Variants in RLF observed in about 807,000 individuals in gnomAD.
RLF encodes RLF zinc finger, also known as zinc finger protein Rlf.
RLF carries 7 observed loss-of-function variants against 162.9 expected under a neutral mutation model. The observed-to-expected ratio is 0.04, with a 90% confidence interval of 0.02 to 0.08. The LOEUF (loss-of-function observed/expected upper bound fraction) is 0.08, where lower values mean the gene tolerates loss of function less well. Among genes scored for constraint, RLF ranks in the 10% least tolerant of loss-of-function variants. The pLI is 1.00. For synonymous variants in RLF, 782 were observed against 791.5 expected, an observed-to-expected ratio of 0.99 and a Z score of 0.20; for missense variants, 1,664 against 2,244.7, an observed-to-expected ratio of 0.74 and a Z score of 5.23.
chr1:40,233,395 G>A (rs930549437), intron 7 of RLF, among the ~76,000 whole-genome samples: 3 of 152,156 alleles, frequency 2.0e-5, no homozygotes, highest in Non-Finnish European at 4.4e-5. Flanking sequence ...AGAAAGAATG[G>A]CCATTCTTTG....
chr1:40,240,582 A>G lies in RLF; in HGVS notation c.*135A>G. On this transcript the variant is annotated 3_prime_UTR_variant, in exon 8 of 8. Transcript: ENST00000372771. ...GGCTGTGTATTTACATGAATGTATA[A>G]TATCTATGTCAGCAGTATTGGCTGA... is the stretch of plus-strand genomic sequence containing the variant. 3.1e-6 allele frequency: 2 copies of G among 645,538 alleles called. No individual in the cohort carries two copies. Among genetic ancestry groups the G allele is most frequent in the Non-Finnish European group, 5.5e-6 (2 of 366,658 alleles). The allele number at this position is 645,538 out of a possible 1,614,324, so 40.0% of individuals were successfully genotyped here.
chr1:40,229,531 C>G (rs1185709531), intron 6 of RLF, among the ~76,000 whole-genome samples: 1 of 148,088 alleles, frequency 6.8e-6, no homozygotes, highest in Non-Finnish European at 1.5e-5. Flanking sequence ...CTCGGCTTAC[C>G]GCAACCTCCA....
chr1:40,210,563 G>C (rs1642852660), intron 5 of RLF, among the ~76,000 whole-genome samples: 1 of 152,218 alleles, frequency 6.6e-6, no homozygotes, highest in Non-Finnish European at 1.5e-5. Flanking sequence ...TTAATGGTTA[G>C]ATTTGATGCA....
Position 40,240,558 on chromosome 1 carries a change from G to C in RLF, c.*111G>C. 1.4e-6 allele frequency: 1 copy of C among 732,256 alleles called. No homozygotes were observed. 45.4% of individuals were successfully genotyped at this position (732,256 alleles called of 1,614,324 possible). On this transcript the variant is annotated 3_prime_UTR_variant, in exon 8 of 8. Transcript: ENST00000372771. ...CACACCGTTGTTTAGGGTAGAATAG[G>C]CTGTGTATTTACATGAATGTATAAT... is the stretch of plus-strand genomic sequence containing the variant.
In RLF at chr1:40,195,814, AATTG is replaced by A. The variant is rs763699137; in HGVS notation, c.607+54_607+57del. The A allele has an allele frequency of 1.4e-5, 22 of 1,558,204 alleles. No individual in the cohort carries two copies. The South Asian group carries it at 1.9e-4, about 13-fold the overall frequency. On this transcript the variant is annotated intron_variant, in intron 4 of 7. Transcript: ENST00000372771. ...GAGGATTTAGTTCTGAGAACGTTGG[AATTG>A]ATTATGGGTTAAAATTTTGGGAATT... is the stretch of plus-strand genomic sequence containing the variant.
At position 40,161,718 on chromosome 1, in the gene RLF, G is replaced by A; in HGVS notation, c.237+82G>A. 1 of 1,536,866 alleles carries A rather than the reference G, an allele frequency of 6.5e-7. No homozygotes were observed. Among genetic ancestry groups the A allele is most frequent in the Non-Finnish European group, 8.7e-7 (1 of 1,153,506 alleles). The stretch of plus-strand genomic sequence containing the variant: ...CCCTGGATCCTCTGTAAGCAGCCGG[G>A]TCCAAACTGAAAGGCGCCACCTCCG... On this transcript the variant is annotated intron_variant, in intron 1 of 7. Transcript: ENST00000372771. The surrounding 1 kb of genome is among the most constrained non-coding windows in gnomAD (Gnocchi z 4.4).
At chr1:40,192,134 T>C (rs573583057) in intron 3 of RLF, among the ~76,000 whole-genome samples, 1 of 152,356 alleles carries the variant, frequency 6.6e-6, no homozygotes, top group South Asian at 2.1e-4. Flanking sequence ...TCTTGGCCTA[T>C]TTAAAGCCCT....
chr1:40,206,230 A>G (rs1642790774), intron 5 of RLF, among the ~76,000 whole-genome samples: 1 of 152,090 alleles, frequency 6.6e-6, no homozygotes, highest in South Asian at 2.1e-4. Context: ...TAAATGCTTT[A>G]TATACTTTGC....
intron 4 of RLF, 130 bp from the exon 5 acceptor site, chr1:40,202,282 A>G (rs1642728407): frequency 1.6e-6 from 1 of 618,372 alleles, no homozygotes; most frequent in South Asian, 2.1e-5. Flanking sequence ...ACCAGAGTAA[A>G]CTTCTCATTT....
At chr1:40,208,505 C>T (rs1557751718) in intron 5 of RLF, among the ~76,000 whole-genome samples, 1 of 152,164 alleles carries the variant, frequency 6.6e-6, no homozygotes, top group Non-Finnish European at 1.5e-5. Flanking sequence ...GTGTCGGTAT[C>T]TAATCCTTAT....
intron 1 of RLF, among the ~76,000 whole-genome samples, chr1:40,169,024 T>C (rs1355084185): frequency 6.6e-6 from 1 of 152,156 alleles, no homozygotes; most frequent in Non-Finnish European, 1.5e-5. Context: ...TTAACATAAA[T>C]AAACATTTAT....
At chr1:40,171,322 C>T (rs933922144) in intron 1 of RLF, among the ~76,000 whole-genome samples, 1 of 152,188 alleles carries the variant, frequency 6.6e-6, no homozygotes, top group Admixed American at 6.5e-5. Flanking sequence ...AGCCACCACT[C>T]CCAGCCTGAT....
intron 1 of RLF, among the ~76,000 whole-genome samples, chr1:40,188,618 G>GAAA (rs11406786): frequency 1.4e-5 from 2 of 145,918 alleles, no homozygotes. Context: ...CATGTGTCCA[G>GAAA]AAAAAAAAAA....
Position 40,240,645 on chromosome 1 carries a change from ATTTTTG to A in RLF, c.*202_*207del. ...TCCAGTTGGTTTAATGATTGGGTTT[ATTTTTG>A]TTTGTTTGTTTATTAAAAAAATGGA... On this transcript the variant is annotated 3_prime_UTR_variant, in exon 8 of 8. Transcript: ENST00000372771. 3.8e-6 allele frequency: 2 copies of A among 532,892 alleles called. No individual in the cohort carries two copies. The highest frequency in any genetic ancestry group is 6.2e-5 in the East Asian group (2 of 32,420). 33.0% of individuals were successfully genotyped at this position (532,892 alleles called of 1,614,324 possible).
chr1:40,202,990 C>T (rs566884479), intron 5 of RLF, among the ~76,000 whole-genome samples: 2 of 151,466 alleles, frequency 1.3e-5, no homozygotes, highest in African/African-American at 2.4e-5. Context: ...TTAATTTTAG[C>T]TTAAGTTACT....
At chr1:40,177,312 C>T (rs375638425) in intron 1 of RLF, among the ~76,000 whole-genome samples, 9 of 144,836 alleles carry the variant, frequency 6.2e-5, no homozygotes, top group East Asian at 2.0e-4. Flanking sequence ...TTTTGGGAGG[C>T]GGAGTCTTGC....
At chr1:40,171,358 A>G (rs1429772547) in intron 1 of RLF, among the ~76,000 whole-genome samples, 1 of 152,184 alleles carries the variant, frequency 6.6e-6, no homozygotes, top group Non-Finnish European at 1.5e-5. Context: ...CTCCCAAGGA[A>G]ATAACCTGAA....
intron 3 of RLF, among the ~76,000 whole-genome samples, chr1:40,194,990 C>A (rs563744368): frequency 8.7e-6 from 1 of 114,744 alleles, no homozygotes. Flanking sequence ...GGTGCCACCA[C>A]GCCCGGCTAA....
chr1:40,183,311 CCTCT>C (rs1169058612), intron 1 of RLF, among the ~76,000 whole-genome samples: 1 of 152,084 alleles, frequency 6.6e-6, no homozygotes, highest in Non-Finnish European at 1.5e-5. Flanking sequence ...AATCCAAACC[CCTCT>C]CTATTAGAAA....
Sources: gnomAD v4.1 joint callset for allele counts (sites outside exome capture counted in the v4.1 genomes callset) on GRCh38, gnomAD v4.1.1 for gene constraint, Gnocchi (gnomAD v3.1) non-coding constraint, MANE v1.5 for transcripts, NCBI Gene and HGNC (gene_info 2026-07-23, HGNC 2026-07-21) for gene names.